The following TLE1 variants were observed in gnomAD, a reference collection of about 807,000 sequenced individuals.
The protein encoded by TLE1 is transducin-like enhancer protein 1.
A neutral mutation model predicts 89.8 loss-of-function variants in TLE1; 21 were observed. The ratio of observed to expected loss-of-function variants is 0.23; its 90% CI spans 0.17 to 0.34. The LOEUF is 0.34. Among genes scored for constraint, TLE1 ranks in the 10% least tolerant of loss-of-function variants. TLE1 has a pLI of 1.00. For synonymous variants in TLE1, 447 were observed against 407.6 expected (o/e 1.10, Z -1.16); for missense variants, 795 against 1,031.2 (o/e 0.77, Z 3.14).
intron 8 of TLE1, among the ~76,000 whole-genome samples, chr9:81,629,975 A>G (rs370908675): frequency 6.6e-6 from 1 of 152,174 alleles, no homozygotes; most frequent in East Asian, 1.9e-4. Context: ...TTTAACTAGC[A>G]AATTAATTTC....
chr9:81,609,931 G>T (rs1384309438), intron 14 of TLE1, among the ~76,000 whole-genome samples: 2 of 152,196 alleles, frequency 1.3e-5, no homozygotes, highest in Admixed American at 6.5e-5. Context: ...AGCTTTCTGA[G>T]GGGTCAGGCG....
intron 18 of TLE1, 124 bp from the exon 19 acceptor site, chr9:81,584,648 G>T: frequency 1.2e-6 from 1 of 822,458 alleles, no homozygotes; most frequent in Non-Finnish European, 1.9e-6. Flanking sequence ...CTAAGGACTG[G>T]TCCATGATAT....
chr9:81,665,676 CTTAA>C (rs1334199626), intron 4 of TLE1, among the ~76,000 whole-genome samples: 2 of 152,136 alleles, frequency 1.3e-5, no homozygotes, highest in Non-Finnish European at 2.9e-5. Context: ...CTCAAGTGCC[CTTAA>C]TTGTTTATGT....
Position 81,633,680 on chromosome 9 carries a change from C to T in TLE1, c.578-316G>A, listed in dbSNP as rs1827000351. 1.0e-5 allele frequency: 5 copies of T among 479,848 alleles called. No homozygotes were observed. In the Admixed American group the frequency reaches 1.4e-4, roughly 13 times the overall value. The allele number at this position is 479,848 out of a possible 1,614,324, so 29.7% of individuals were successfully genotyped here. ...TATTTAATGCATACTAGAATTAAAG[C>T]CTATGAAACTAAGTAGTAACAGATG... On this transcript the variant is annotated intron_variant, in intron 7 of 19. Coordinates refer to ENST00000376499, the MANE Select transcript of TLE1 (RefSeq NM_005077.5).
intron 12 of TLE1, among the ~76,000 whole-genome samples, chr9:81,612,876 G>T (rs1432153420): frequency 2.0e-5 from 3 of 152,320 alleles, no homozygotes; most frequent in African/African-American, 7.2e-5. Context: ...TGGCCAACAT[G>T]GTGAAACCCC....
At chr9:81,617,537 A>C (rs10867780) in intron 9 of TLE1, among the ~76,000 whole-genome samples, 10,873 of 151,936 alleles carry the variant, frequency 0.072, 1,178 homozygotes, top group East Asian at 0.57. Flanking sequence ...CCCTGTCTCT[A>C]CTAAAAATAC....
chr9:81,682,548 TTA>T (rs1833762916), intron 4 of TLE1, among the ~76,000 whole-genome samples: 1 of 152,152 alleles, frequency 6.6e-6, no homozygotes, highest in Non-Finnish European at 1.5e-5. Flanking sequence ...AAAATAAGGT[TTA>T]TGTGTGCATT....
chr9:81,635,788 A>T, intron 6 of TLE1, among the ~76,000 whole-genome samples: 1 of 152,216 alleles, frequency 6.6e-6, no homozygotes, highest in East Asian at 1.9e-4. Context: ...AAGTTAGAGA[A>T]AACACCATCT....
At chr9:81,661,174 A>T (rs4877671) in intron 4 of TLE1, among the ~76,000 whole-genome samples, 6 of 128,440 alleles carry the variant, frequency 4.7e-5, no homozygotes, top group Non-Finnish European at 8.0e-5. Flanking sequence ...ATATATATTT[A>T]TATATATGTA....
At chr9:81,651,365 A>G (rs1432388582) in intron 6 of TLE1, among the ~76,000 whole-genome samples, 1 of 152,174 alleles carries the variant, frequency 6.6e-6, no homozygotes, top group African/African-American at 2.4e-5. Context: ...GAACTCATGC[A>G]GGGGATGGAA....
chr9:81,624,884 C>G (rs112228768), intron 8 of TLE1, among the ~76,000 whole-genome samples: 1 of 152,170 alleles, frequency 6.6e-6, no homozygotes, highest in Non-Finnish European at 1.5e-5. Flanking sequence ...GGCAAATCAG[C>G]TGAAAACACA....
intron 4 of TLE1, among the ~76,000 whole-genome samples, chr9:81,657,442 T>C (rs889659171): frequency 6.6e-6 from 1 of 152,184 alleles, no homozygotes; most frequent in African/African-American, 2.4e-5. Context: ...TTAACTGGAA[T>C]TTATTTTGGT....
chr9:81,641,265 C>G (rs4877666), intron 6 of TLE1, among the ~76,000 whole-genome samples: 140,013 of 152,146 alleles, frequency 0.92, 64,457 homozygotes, highest in African/African-American at 0.95. Flanking sequence ...TAAACACGTG[C>G]AAAAGAGCTG....
At chr9:81,594,831 G>A (rs960440737) in intron 14 of TLE1, among the ~76,000 whole-genome samples, 9 of 152,204 alleles carry the variant, frequency 5.9e-5, no homozygotes, top group African/African-American at 1.7e-4. Flanking sequence ...ACTGAAAACC[G>A]ATTATGCCAG....
intron 4 of TLE1, among the ~76,000 whole-genome samples, chr9:81,668,713 A>C (rs1030940725): frequency 5.3e-5 from 8 of 152,200 alleles, no homozygotes; most frequent in African/African-American, 1.9e-4. Flanking sequence ...GCCAAAAAAA[A>C]GGCCTTCATC....
intron 14 of TLE1, among the ~76,000 whole-genome samples, chr9:81,601,906 G>T (rs573791866): frequency 6.6e-6 from 1 of 152,144 alleles, no homozygotes; most frequent in South Asian, 2.1e-4. Flanking sequence ...TTGTTTCCTG[G>T]GTATCTATGC....
intron 4 of TLE1, among the ~76,000 whole-genome samples, chr9:81,680,995 G>C (rs1293402965): frequency 6.6e-6 from 1 of 150,878 alleles, no homozygotes; most frequent in Non-Finnish European, 1.5e-5. Flanking sequence ...CACATCTAAG[G>C]AAATATCCCA....
At chr9:81,633,402 C>G in intron 7 of TLE1, 38 bp from the exon 8 acceptor site, 1 of 1,613,152 alleles carries the variant, frequency 6.2e-7, no homozygotes, top group South Asian at 1.1e-5. Flanking sequence ...CAGACATGCC[C>G]GTTCAGACAC....
At chr9:81,593,978 T>C (rs1219966732) in intron 14 of TLE1, among the ~76,000 whole-genome samples, 3 of 152,170 alleles carry the variant, frequency 2.0e-5, no homozygotes, top group Non-Finnish European at 2.9e-5. Context: ...CTGCCTATGT[T>C]CTGACCAATG....
Sources: gnomAD v4.1 joint callset for allele counts (sites outside exome capture counted in the v4.1 genomes callset) on GRCh38, gnomAD v4.1.1 for gene constraint, MANE v1.5 for transcripts, NCBI Gene and HGNC (gene_info 2026-07-23, HGNC 2026-07-21) for gene names.